RIN2: variants seen among roughly 807,000 people sequenced by gnomAD.
RIN2 encodes Ras and Rab interactor 2.
In RIN2, 36 loss-of-function variants were observed where a neutral mutation model predicts 78.0. That is an observed-to-expected ratio of 0.46 (90% CI 0.35 to 0.61). The LOEUF (loss-of-function observed/expected upper bound fraction) is 0.61. Among genes scored for constraint, RIN2 ranks in the 20% least tolerant of loss-of-function variants. The pLI, the probability that RIN2 is intolerant of heterozygous loss-of-function variation, is 0.00. For synonymous variants in RIN2, 466 were observed against 466.8 expected (o/e 1.00, Z 0.02); for missense variants, 1,087 against 1,159.7 (o/e 0.94, Z 0.91).
intron 1 of RIN2, among the ~76,000 whole-genome samples, chr20:19,783,694 G>C (rs545040633): frequency 6.6e-6 from 1 of 152,176 alleles, no homozygotes; most frequent in Non-Finnish European, 1.5e-5. Context: ...CAACAATATG[G>C]AGTGTATTAT....
chr20:19,897,034 A>T (rs1163791921), intron 3 of RIN2, among the ~76,000 whole-genome samples: 1 of 152,184 alleles, frequency 6.6e-6, no homozygotes, highest in Non-Finnish European at 1.5e-5. Context: ...GAAAACATGT[A>T]TTATTCCATG....
At chr20:19,822,408 G>C (rs1568784146) in intron 2 of RIN2, among the ~76,000 whole-genome samples, 1 of 152,210 alleles carries the variant, frequency 6.6e-6, no homozygotes, top group Non-Finnish European at 1.5e-5. Flanking sequence ...ATAGATGGAA[G>C]AGCCCATTAT....
At chr20:19,942,509 A>G (rs1306299700) in intron 4 of RIN2, among the ~76,000 whole-genome samples, 6 of 152,210 alleles carry the variant, frequency 3.9e-5, no homozygotes, top group African/African-American at 1.4e-4. Flanking sequence ...AAAAAGCACA[A>G]TGCAGAAAAT....
intron 2 of RIN2, among the ~76,000 whole-genome samples, chr20:19,879,322 T>G (rs559381826): frequency 2.6e-5 from 4 of 152,296 alleles, no homozygotes; most frequent in African/African-American, 9.6e-5. Context: ...TTTGGAGAAC[T>G]GTTACTTTCT....
At chr20:19,820,035 A>T (rs2035882012) in intron 2 of RIN2, among the ~76,000 whole-genome samples, 1 of 152,232 alleles carries the variant, frequency 6.6e-6, no homozygotes, top group Non-Finnish European at 1.5e-5. Context: ...TCAATAAAGT[A>T]TTAAAATAAA....
At chr20:19,848,420 C>T (rs1330056424) in intron 2 of RIN2, among the ~76,000 whole-genome samples, 1 of 151,608 alleles carries the variant, frequency 6.6e-6, no homozygotes, top group Admixed American at 6.6e-5. Flanking sequence ...CCTGTAATCC[C>T]AGCTACTTGG....
intron 7 of RIN2, among the ~76,000 whole-genome samples, chr20:19,970,444 A>G (rs1313426833): frequency 2.6e-5 from 4 of 152,236 alleles, no homozygotes; most frequent in African/African-American, 7.2e-5. Flanking sequence ...AGGATTCCAC[A>G]TTCCTGCCCA....
intron 4 of RIN2, among the ~76,000 whole-genome samples, chr20:19,942,085 G>A (rs1348314037): frequency 6.8e-6 from 1 of 146,446 alleles, no homozygotes; most frequent in African/African-American, 2.6e-5. Context: ...ACTCCAGCAT[G>A]GGTGACAGAG....
intron 2 of RIN2, among the ~76,000 whole-genome samples, chr20:19,856,599 T>G (rs1286197268): frequency 8.4e-4 from 84 of 100,482 alleles, no homozygotes; most frequent in African/African-American, 1.3e-3. Flanking sequence ...GGAGGGAGGA[T>G]GGAAGAAAGG....
At chr20:19,763,216 C>A (rs940778423) in intron 1 of RIN2, among the ~76,000 whole-genome samples, 2 of 152,054 alleles carry the variant, frequency 1.3e-5, no homozygotes, top group African/African-American at 4.8e-5. Context: ...GAAACCCTGT[C>A]TCTACTAAAA....
At chr20:19,763,090 G>A (rs1421413897) in intron 1 of RIN2, among the ~76,000 whole-genome samples, 1 of 152,106 alleles carries the variant, frequency 6.6e-6, no homozygotes, top group Non-Finnish European at 1.5e-5. Flanking sequence ...AACCTGTTGA[G>A]TTTAAAAGTC....
intron 12 of RIN2, among the ~76,000 whole-genome samples, chr20:19,998,545 A>T (rs1360228657): frequency 6.6e-6 from 1 of 152,154 alleles, no homozygotes; most frequent in Non-Finnish European, 1.5e-5. Context: ...CAGGAGTTTG[A>T]GGCTACAGTG....
chr20:19,901,152 C>G (rs2038964706), intron 3 of RIN2, among the ~76,000 whole-genome samples: 1 of 152,044 alleles, frequency 6.6e-6, no homozygotes, highest in Non-Finnish European at 1.5e-5. Flanking sequence ...CATTCTCAAC[C>G]TAGCTTCATG....
chr20:19,953,739 G>A, intron 4 of RIN2, among the ~76,000 whole-genome samples: 1 of 152,142 alleles, frequency 6.6e-6, no homozygotes, highest in Non-Finnish European at 1.5e-5. Context: ...TTTTTTAGGT[G>A]ATTTTTATCA....
At chr20:19,843,124 G>A (rs143901226) in intron 2 of RIN2, among the ~76,000 whole-genome samples, 24 of 152,298 alleles carry the variant, frequency 1.6e-4, no homozygotes, top group African/African-American at 3.1e-4. Flanking sequence ...GAGTTGCTTC[G>A]TGCAAATGAG....
At chr20:19,996,252 T>G (rs1252232734) in intron 11 of RIN2, among the ~76,000 whole-genome samples, 1 of 152,178 alleles carries the variant, frequency 6.6e-6, no homozygotes. Context: ...AGGCGGAGGT[T>G]GCAGTGAGCT....
intron 2 of RIN2, among the ~76,000 whole-genome samples, chr20:19,833,235 C>G (rs910728708): frequency 2.6e-5 from 4 of 151,144 alleles, no homozygotes; most frequent in African/African-American, 9.8e-5. Context: ...CTTGCCAAAA[C>G]AAAATCATAA....
intron 1 of RIN2, among the ~76,000 whole-genome samples, chr20:19,765,181 C>T (rs2033834789): frequency 1.3e-5 from 2 of 152,030 alleles, no homozygotes; most frequent in African/African-American, 4.8e-5. Context: ...TCCCCCACCC[C>T]CAAATCTTCT....
At chr20:19,832,441 GA>G (rs2036277572) in intron 2 of RIN2, among the ~76,000 whole-genome samples, 1 of 150,000 alleles carries the variant, frequency 6.7e-6, no homozygotes, top group Admixed American at 6.7e-5. Context: ...CTAATTTTTG[GA>G]AATAGTAAAA....
Sources: gnomAD v4.1 joint callset for allele counts (sites outside exome capture counted in the v4.1 genomes callset) on GRCh38, gnomAD v4.1.1 for gene constraint, MANE v1.5 for transcripts, NCBI Gene and HGNC (gene_info 2026-07-23, HGNC 2026-07-21) for gene names.